Variants in HIP1 observed in about 807,000 individuals in gnomAD.
HIP1 encodes the protein huntingtin interacting protein 1.
A neutral mutation model predicts 147.6 loss-of-function variants in HIP1; 65 were observed. The ratio of observed to expected loss-of-function variants is 0.44; its 90% CI spans 0.36 to 0.54. HIP1 has a LOEUF of 0.54. Ranked by LOEUF, HIP1 falls within the 20% of genes least tolerant of loss-of-function variation. The pLI is 0.00. For missense variants in HIP1, 1,061 were observed against 1,299.6 expected, an observed-to-expected ratio of 0.82 and a Z score of 2.82; for synonymous variants, 479 against 504.0, an observed-to-expected ratio of 0.95 and a Z score of 0.67.
chr7:75,554,358 T>A, intron 20 of HIP1, 82 bp downstream of exon 20: 1 of 1,327,748 alleles, frequency 7.5e-7, no homozygotes, highest in Middle Eastern at 1.8e-4. Context: ...CAGAGGGACC[T>A]GTCACTATCC....
intron 1 of HIP1, among the ~76,000 whole-genome samples, chr7:75,628,763 G>C (rs1413646000): frequency 6.6e-6 from 1 of 152,186 alleles, no homozygotes; most frequent in African/African-American, 2.4e-5. Flanking sequence ...GCAGGTATGA[G>C]CCACTGCATG....
chr7:75,624,441 A>G (rs1797961035), intron 1 of HIP1, among the ~76,000 whole-genome samples: 1 of 151,902 alleles, frequency 6.6e-6, no homozygotes, highest in Non-Finnish European at 1.5e-5. Context: ...GAGTGGGGGG[A>G]AAAAGAGCTA....
intron 1 of HIP1, among the ~76,000 whole-genome samples, chr7:75,715,452 CACACACAG>C (rs1563309553): frequency 2.6e-5 from 3 of 117,174 alleles, no homozygotes; most frequent in African/African-American, 3.6e-5. Context: ...GAGAGAGAGA[CACACACAG>C]AGAGAGAGAG....
At chr7:75,558,287 A>G in intron 14 of HIP1, 32 bp from the exon 15 acceptor site, 1 of 1,528,528 alleles carries the variant, frequency 6.5e-7, no homozygotes, top group Non-Finnish European at 9.1e-7. Context: ...TGAGGAGTCT[A>G]ACCTAGCAGG....
At position 75,610,845 on chromosome 7, in the gene HIP1, AAT is replaced by A. The variant is rs201378587; in HGVS notation, c.121-11600_121-11599del. 2.6e-3 allele frequency among the ~76,000 whole-genome samples: 378 copies of A among 147,576 alleles called. 3 individuals carry two copies. Among genetic ancestry groups the A allele is most frequent in the African/African-American group, 8.3e-3 (340 of 40,764 alleles). On this transcript the variant is annotated intron_variant, in intron 1 of 30. Transcript: ENST00000336926. Reference sequence around the variant, plus strand: ...TGGTAAGATCCCATCACTATTAAAAAATATATATATATATTTATATATATTAA... The same window carrying A: ...TGGTAAGATCCCATCACTATTAAAAAATATATATATATTTATATATATTAA...
At position 75,591,961 on chromosome 7, in the gene HIP1, G is replaced by A. The variant is rs1033014589; in HGVS notation, c.384+95C>T. The A allele has an allele frequency of 7.1e-6, 7 of 984,190 alleles. No homozygotes were observed. In the African/African-American group the frequency reaches 1.1e-4, roughly 16 times the overall value. 61.0% of individuals were successfully genotyped at this position (984,190 alleles called of 1,614,324 possible). ...TGGGAGAAATCCTCAACAAGCTGAA[G>A]GAGATGAATTTATTTCACCCTCCAG... On this transcript the variant is annotated intron_variant, in intron 4 of 30. Coordinates refer to ENST00000336926, the MANE Select transcript of HIP1 (RefSeq NM_005338.7).
At chr7:75,630,446 C>G (rs587694028) in intron 1 of HIP1, among the ~76,000 whole-genome samples, 1 of 138,186 alleles carries the variant, frequency 7.2e-6, no homozygotes, top group Non-Finnish European at 1.5e-5. Context: ...GAGGATAGAC[C>G]GAGATCCACC....
intron 1 of HIP1, among the ~76,000 whole-genome samples, chr7:75,718,304 G>A (rs1300539586): frequency 2.0e-5 from 3 of 151,692 alleles, no homozygotes; most frequent in Non-Finnish European, 2.9e-5. Flanking sequence ...TTACAGTAAA[G>A]TATGATCATA....
intron 8 of HIP1, among the ~76,000 whole-genome samples, chr7:75,570,562 A>G (rs587676384): frequency 6.6e-6 from 1 of 151,334 alleles, no homozygotes; most frequent in East Asian, 2.0e-4. Flanking sequence ...AAGTGCTGGG[A>G]TTACAGGCGT....
chr7:75,609,291 T>C (rs1797338703), intron 1 of HIP1, among the ~76,000 whole-genome samples: 1 of 152,116 alleles, frequency 6.6e-6, no homozygotes, highest in Non-Finnish European at 1.5e-5. Flanking sequence ...TTGGGGCCCA[T>C]TGCCGAGTCT....
intron 1 of HIP1, among the ~76,000 whole-genome samples, chr7:75,688,491 G>A (rs1800340237): frequency 6.6e-6 from 1 of 152,110 alleles, no homozygotes; most frequent in South Asian, 2.1e-4. Context: ...GCAGCCAAGC[G>A]CACAAGTGCA....
At chr7:75,592,627 T>G in intron 2 of HIP1, 113 bp from the exon 3 acceptor site, 1 of 1,106,052 alleles carries the variant, frequency 9.0e-7, no homozygotes, top group Non-Finnish European at 1.3e-6. Flanking sequence ...TCACAGGGGA[T>G]AGAGGCTGCA....
At chr7:75,552,144 G>C (rs1299101690) in intron 22 of HIP1, among the ~76,000 whole-genome samples, 1 of 152,092 alleles carries the variant, frequency 6.6e-6, no homozygotes, top group Non-Finnish European at 1.5e-5. Context: ...ACCTGCCTCG[G>C]CCTCCCAAAA....
chr7:75,611,171 A>G (rs1224652553), intron 1 of HIP1, among the ~76,000 whole-genome samples: 3 of 151,620 alleles, frequency 2.0e-5, no homozygotes, highest in Non-Finnish European at 4.4e-5. Context: ...TTTTTTTAGA[A>G]AGAGTCCCAG....
chr7:75,715,798 AAG>A (rs1801299574), intron 1 of HIP1, among the ~76,000 whole-genome samples: 1 of 150,766 alleles, frequency 6.6e-6, no homozygotes, highest in African/African-American at 2.4e-5. Flanking sequence ...AAAAAAAAAA[AAG>A]ATGTCTATCT....
At chr7:75,691,195 C>T (rs1158581088) in intron 1 of HIP1, among the ~76,000 whole-genome samples, 1 of 151,490 alleles carries the variant, frequency 6.6e-6, no homozygotes, top group Non-Finnish European at 1.5e-5. Flanking sequence ...TTACATAAAA[C>T]TTCCAGAAAA....
chr7:75,582,179 A>G (rs1796080656), intron 5 of HIP1, 28 bp from the exon 6 acceptor site: 1 of 1,583,264 alleles, frequency 6.3e-7, no homozygotes, highest in Non-Finnish European at 8.7e-7. Context: ...GAAGGGAGTC[A>G]GGGCAGAAGA....
At chr7:75,677,123 A>G (rs1055469911) in intron 1 of HIP1, among the ~76,000 whole-genome samples, 15 of 151,752 alleles carry the variant, frequency 9.9e-5, no homozygotes, top group African/African-American at 3.6e-4. Context: ...TGAACCTGGG[A>G]GACGGAGGTT....
chr7:75,656,750 T>C (rs1458608937), intron 1 of HIP1, among the ~76,000 whole-genome samples: 10 of 152,216 alleles, frequency 6.6e-5, no homozygotes, highest in African/African-American at 2.4e-4. Flanking sequence ...GTGCTGGGAT[T>C]ACAGGCGTGA....
Sources: gnomAD v4.1 joint callset for allele counts (sites outside exome capture counted in the v4.1 genomes callset) on GRCh38, gnomAD v4.1.1 for gene constraint, MANE v1.5 for transcripts, NCBI Gene and HGNC (gene_info 2026-07-23, HGNC 2026-07-21) for gene names.